Variants in CYP7B1 observed in about 807,000 individuals in gnomAD.
CYP7B1 encodes cytochrome P450 family 7 subfamily B member 1.
CYP7B1 carries 29 observed loss-of-function variants against 42.7 expected under a neutral mutation model. The observed-to-expected ratio is 0.68, with a 90% confidence interval of 0.51 to 0.93. The LOEUF is 0.93. Among genes scored for constraint, CYP7B1 ranks in the 40% least tolerant of loss-of-function variants. The pLI is 0.00. For synonymous variants in CYP7B1, 235 were observed against 218.2 expected (o/e 1.08, Z -0.68); for missense variants, 655 against 600.5 (o/e 1.09, Z -0.95).
chr8:64,644,833 A>C (rs928645721), intron 1 of CYP7B1, among the ~76,000 whole-genome samples: 8 of 151,838 alleles, frequency 5.3e-5, no homozygotes, highest in African/African-American at 1.9e-4. Flanking sequence ...ATATGTATAC[A>C]TGTGCCATGC....
intron 1 of CYP7B1, among the ~76,000 whole-genome samples, chr8:64,789,363 A>T (rs1804580753): frequency 6.6e-6 from 1 of 152,220 alleles, no homozygotes; most frequent in African/African-American, 2.4e-5. Flanking sequence ...CAATCATGAG[A>T]AATTTTGAGA....
At chr8:64,735,835 T>A (rs1202556081) in intron 1 of CYP7B1, among the ~76,000 whole-genome samples, 1 of 152,158 alleles carries the variant, frequency 6.6e-6, no homozygotes, top group Admixed American at 6.5e-5. Flanking sequence ...ACAGAGGGAC[T>A]CTAGTGTATC....
chr8:64,665,559 G>GTTTTTTTTTTTTTTTTTTTTTT (rs540578806), intron 1 of CYP7B1, among the ~76,000 whole-genome samples: 3 of 52,022 alleles, frequency 5.8e-5, no homozygotes, highest in Non-Finnish European at 6.4e-5. Context: ...TTTTTTGGTG[G>GTTTTTTTTTTTTTTTTTTTTTT]TTTTTTTTTT....
At chr8:64,751,534 A>G (rs76110517) in intron 1 of CYP7B1, among the ~76,000 whole-genome samples, 3,027 of 152,276 alleles carry the variant, frequency 0.02, 108 homozygotes, top group African/African-American at 0.067. Flanking sequence ...TAGCATTCAT[A>G]TAAGGATGCA....
intron 1 of CYP7B1, among the ~76,000 whole-genome samples, chr8:64,656,051 C>T (rs1563379200): frequency 6.6e-6 from 1 of 152,032 alleles, no homozygotes; most frequent in Non-Finnish European, 1.5e-5. Context: ...GAAAAGGTAA[C>T]TATTGGGTAC....
chr8:64,735,374 C>T (rs1049841826), intron 1 of CYP7B1, among the ~76,000 whole-genome samples: 1 of 152,048 alleles, frequency 6.6e-6, no homozygotes, highest in African/African-American at 2.4e-5. Context: ...AGGAAATCTC[C>T]ATTTCTAAGG....
intron 1 of CYP7B1, among the ~76,000 whole-genome samples, chr8:64,737,541 G>A (rs1807507810): frequency 6.6e-6 from 1 of 152,114 alleles, no homozygotes; most frequent in Admixed American, 6.6e-5. Context: ...TTAAATAAAT[G>A]TTAATGCATG....
At chr8:64,753,304 G>T (rs947488307) in intron 1 of CYP7B1, among the ~76,000 whole-genome samples, 2 of 152,150 alleles carry the variant, frequency 1.3e-5, no homozygotes, top group African/African-American at 4.8e-5. Context: ...TTTATTGATA[G>T]CATCTAAAAT....
chr8:64,728,169 A>C (rs543481671), intron 1 of CYP7B1: 56 of 152,374 alleles, frequency 3.7e-4, no homozygotes, highest in African/African-American at 1.3e-3. Flanking sequence ...GAAAGAAGTA[A>C]ATACAGCTCA....
At chr8:64,749,068 T>G (rs1807689545) in intron 1 of CYP7B1, among the ~76,000 whole-genome samples, 1 of 151,800 alleles carries the variant, frequency 6.6e-6, no homozygotes, top group Non-Finnish European at 1.5e-5. Flanking sequence ...TTCTTTTTTA[T>G]TTTCTTTTTT....
intron 1 of CYP7B1, among the ~76,000 whole-genome samples, chr8:64,731,258 G>A (rs545684649): frequency 4.6e-5 from 7 of 152,264 alleles, no homozygotes; most frequent in South Asian, 2.1e-4. Context: ...CAATTTGGAC[G>A]GTTCAGAAGA....
chr8:64,684,397 G>C (rs752398171), intron 1 of CYP7B1, among the ~76,000 whole-genome samples: 1 of 152,138 alleles, frequency 6.6e-6, no homozygotes, highest in Non-Finnish European at 1.5e-5. Context: ...GTTATTACCA[G>C]AATTAAATGA....
intron 1 of CYP7B1, among the ~76,000 whole-genome samples, chr8:64,767,036 A>C (rs1807983004): frequency 1.3e-5 from 2 of 152,286 alleles, no homozygotes; most frequent in South Asian, 4.1e-4. Context: ...CTCTTTTCAC[A>C]TGCCTTTCTA....
chr8:64,681,258 G>A (rs1362587122), intron 1 of CYP7B1, among the ~76,000 whole-genome samples: 4 of 152,168 alleles, frequency 2.6e-5, no homozygotes, highest in Non-Finnish European at 5.9e-5. Context: ...CTCTGGGCCT[G>A]TTTCTTTGTT....
intron 4 of CYP7B1, among the ~76,000 whole-genome samples, chr8:64,608,497 C>T (rs887221215): frequency 1.3e-4 from 20 of 152,190 alleles, no homozygotes; most frequent in Non-Finnish European, 4.4e-5. Context: ...TTTGATTAGC[C>T]ATGGTGATCA....
chr8:64,686,105 G>A (rs1286684731), intron 1 of CYP7B1, among the ~76,000 whole-genome samples: 5 of 117,346 alleles, frequency 4.3e-5, no homozygotes, highest in East Asian at 2.6e-4. Flanking sequence ...GGGAGGTGGG[G>A]GGGTCAGCCC....
chr8:64,745,186 G>A (rs924718685), intron 1 of CYP7B1, among the ~76,000 whole-genome samples: 2 of 152,078 alleles, frequency 1.3e-5, no homozygotes, highest in African/African-American at 2.4e-5. Context: ...ACAGCATTCC[G>A]GTTATTTAAA....
intron 1 of CYP7B1, among the ~76,000 whole-genome samples, chr8:64,705,235 G>GGT (rs2129632543): frequency 6.6e-6 from 1 of 151,728 alleles, no homozygotes; most frequent in African/African-American, 2.4e-5. Flanking sequence ...AAGGTGGGGG[G>GGT]GGGAATCACC....
At chr8:64,716,999 A>G (rs180789099) in intron 1 of CYP7B1, among the ~76,000 whole-genome samples, 36 of 152,332 alleles carry the variant, frequency 2.4e-4, no homozygotes, top group African/African-American at 8.2e-4. Context: ...AAGTTCTATC[A>G]TAAAGTGTGT....
Sources: gnomAD v4.1 joint callset for allele counts (sites outside exome capture counted in the v4.1 genomes callset) on GRCh38, gnomAD v4.1.1 for gene constraint, MANE v1.5 for transcripts, NCBI Gene and HGNC (gene_info 2026-07-23, HGNC 2026-07-21) for gene names.